NRG1: variants seen among roughly 807,000 people sequenced by gnomAD.
NRG1 encodes pro-neuregulin-1, membrane-bound isoform.
In NRG1, 18 loss-of-function variants were observed where a neutral mutation model predicts 63.8. That is an observed-to-expected ratio of 0.28 (90% CI 0.19 to 0.42). The LOEUF is 0.42. Ranked by LOEUF, NRG1 falls within the 10% of genes least tolerant of loss-of-function variation. The pLI is 1.00. For missense variants in NRG1, 762 were observed against 814.7 expected (o/e 0.94, Z 0.79); for synonymous variants, 302 against 301.3 (o/e 1.00, Z -0.02).
rs937757242 is a variant in NRG1 at position 32,516,107 on chromosome 8, A to G, written c.38-79721A>G. Among the ~76,000 whole-genome samples the G allele has an allele frequency of 3.3e-5, 5 of 152,190 alleles. No individual in the cohort carries two copies. In the East Asian group the frequency reaches 5.8e-4, roughly 18 times the overall value. ...GTATATGGTGAAAGGCAGCAGTCCA[A>G]TTTTTCTTCTGCATATGGCTAGCTA... is the stretch of plus-strand genomic sequence containing the variant. On this transcript the variant is annotated intron_variant, in intron 1 of 10. Transcript: ENST00000519301.
chr8:32,169,493 C>T (rs575577569), intron 1 of NRG1, among the ~76,000 whole-genome samples: 1 of 152,200 alleles, frequency 6.6e-6, no homozygotes, highest in South Asian at 2.1e-4. Flanking sequence ...TTTAGGGATC[C>T]AATAGGCTCA....
At chr8:32,216,925 C>T (rs550790767) in intron 1 of NRG1, among the ~76,000 whole-genome samples, 8 of 151,738 alleles carry the variant, frequency 5.3e-5, no homozygotes, top group African/African-American at 1.7e-4. Flanking sequence ...TAAAAATATT[C>T]GGGGAGGGCA....
chr8:31,871,245 G>C (rs1829457924), intron 1 of NRG1, among the ~76,000 whole-genome samples: 1 of 152,092 alleles, frequency 6.6e-6, no homozygotes, highest in Non-Finnish European at 1.5e-5. Context: ...AAAGTGCTGG[G>C]ATTACAGGTG....
At chr8:31,874,354 G>A (rs1480594870) in intron 1 of NRG1, among the ~76,000 whole-genome samples, 1 of 152,206 alleles carries the variant, frequency 6.6e-6, no homozygotes, top group Non-Finnish European at 1.5e-5. Flanking sequence ...TTATATACAT[G>A]TCTGGATTTT....
intron 1 of NRG1, among the ~76,000 whole-genome samples, chr8:31,749,092 GT>G (rs1816186899): frequency 6.6e-6 from 1 of 151,772 alleles, no homozygotes. Context: ...TAAAAACTAT[GT>G]TTATGAAAAC....
At chr8:32,696,080 C>T (rs1231601975) in intron 5 of NRG1, among the ~76,000 whole-genome samples, 2 of 152,172 alleles carry the variant, frequency 1.3e-5, no homozygotes, top group African/African-American at 2.4e-5. Context: ...CCCCCAGCCC[C>T]AGGTGGAAAT....
At chr8:32,524,203 C>T (rs1463162478) in intron 1 of NRG1, among the ~76,000 whole-genome samples, 1 of 152,130 alleles carries the variant, frequency 6.6e-6, no homozygotes, top group African/African-American at 2.4e-5. Flanking sequence ...GGGAGGATTG[C>T]TTGAGCCTAG....
intron 1 of NRG1, among the ~76,000 whole-genome samples, chr8:31,896,773 T>TC (rs1262174723): frequency 6.6e-6 from 1 of 152,232 alleles, no homozygotes; most frequent in African/African-American, 2.4e-5. Flanking sequence ...GATCTACAGA[T>TC]CCTTTTCCAA....
chr8:32,495,207 T>A (rs911747321), intron 1 of NRG1, among the ~76,000 whole-genome samples: 1 of 152,186 alleles, frequency 6.6e-6, no homozygotes, highest in African/African-American at 2.4e-5. Flanking sequence ...ATGGGAGGGA[T>A]CCCGTCGGAG....
At chr8:32,338,156 T>C (rs1803567864) in intron 1 of NRG1, among the ~76,000 whole-genome samples, 1 of 152,200 alleles carries the variant, frequency 6.6e-6, no homozygotes, top group African/African-American at 2.4e-5. Flanking sequence ...TGAGTTACCA[T>C]GAAGTGAACT....
chr8:32,024,376 A>G (rs1216874962), intron 1 of NRG1, among the ~76,000 whole-genome samples: 1 of 152,202 alleles, frequency 6.6e-6, no homozygotes, highest in Non-Finnish European at 1.5e-5. Flanking sequence ...TGAGTGGTGG[A>G]CAGAGTGGGA....
intron 1 of NRG1, among the ~76,000 whole-genome samples, chr8:32,533,748 T>C (rs1030727515): frequency 1.3e-5 from 2 of 152,022 alleles, no homozygotes; most frequent in Non-Finnish European, 2.9e-5. Context: ...ACCATGAAAG[T>C]GATAACGATT....
chr8:32,610,751 C>T (rs1307171985), intron 3 of NRG1, among the ~76,000 whole-genome samples: 1 of 152,132 alleles, frequency 6.6e-6, no homozygotes, highest in Non-Finnish European at 1.5e-5. Context: ...AGACATATAT[C>T]AACCTATGCA....
At chr8:31,932,694 T>C (rs1834964975) in intron 1 of NRG1, among the ~76,000 whole-genome samples, 1 of 152,178 alleles carries the variant, frequency 6.6e-6, no homozygotes, top group African/African-American at 2.4e-5. Flanking sequence ...CATGAAAGTG[T>C]ATGCTCAGAT....
At chr8:32,659,884 A>C (rs368184615) in intron 5 of NRG1, among the ~76,000 whole-genome samples, 206 of 151,828 alleles carry the variant, frequency 1.4e-3, no homozygotes, top group Middle Eastern at 6.8e-3. Flanking sequence ...AGGCCTCAAG[A>C]CTCACCTCTC....
chr8:32,714,516 C>T (rs1009494147), intron 5 of NRG1, among the ~76,000 whole-genome samples: 12 of 152,092 alleles, frequency 7.9e-5, no homozygotes, highest in African/African-American at 2.9e-4. Flanking sequence ...ATCTAGACAA[C>T]ACAAATGGGG....
chr8:32,054,918 C>G (rs546101817), intron 1 of NRG1, among the ~76,000 whole-genome samples: 1 of 107,184 alleles, frequency 9.3e-6, no homozygotes. Context: ...AGATGAGTCT[C>G]GCTCTGTCAC....
intron 1 of NRG1, among the ~76,000 whole-genome samples, chr8:31,966,843 A>G (rs1248835417): frequency 2.6e-5 from 2 of 77,992 alleles, no homozygotes; most frequent in African/African-American, 8.7e-5. Context: ...TCCATACCCA[A>G]TTCTCAGTGG....
chr8:31,922,760 G>C (rs1295545928), intron 1 of NRG1, among the ~76,000 whole-genome samples: 1 of 152,144 alleles, frequency 6.6e-6, no homozygotes, highest in East Asian at 1.9e-4. Flanking sequence ...TCATGCAGTA[G>C]CTCAACATCC....
Sources: allele counts gnomAD v4.1 joint callset (sites outside exome capture counted in the v4.1 genomes callset), GRCh38; gene constraint gnomAD v4.1.1; transcripts MANE v1.5; gene names NCBI Gene and HGNC (gene_info 2026-07-23, HGNC 2026-07-21).